The following FHIT variants were observed in gnomAD, a reference collection of about 807,000 sequenced individuals.
FHIT encodes the protein bis(5'-adenosyl)-triphosphatase.
FHIT carries 19 observed loss-of-function variants against 17.9 expected under a neutral mutation model. The ratio of observed to expected loss-of-function variants is 1.06; its 90% CI spans 0.74 to 1.56. FHIT has a LOEUF of 1.56. Among genes scored for constraint, FHIT ranks in the 40% most tolerant of loss-of-function variants. The pLI is 0.00. For missense variants in FHIT, 248 were observed against 189.2 expected, an observed-to-expected ratio of 1.31 and a Z score of -1.82; for synonymous variants, 81 against 69.7, an observed-to-expected ratio of 1.16 and a Z score of -0.81.
intron 3 of FHIT, among the ~76,000 whole-genome samples, chr3:60,834,677 A>C (rs1553743442): frequency 6.6e-6 from 1 of 151,716 alleles, no homozygotes; most frequent in East Asian, 1.9e-4. Context: ...AACACGGCAA[A>C]AGCCAGTCTC....
intron 4 of FHIT, among the ~76,000 whole-genome samples, chr3:60,708,605 A>G (rs1462364516): frequency 6.6e-6 from 1 of 152,212 alleles, no homozygotes; most frequent in Non-Finnish European, 1.5e-5. Flanking sequence ...TGAGTAGAGA[A>G]GTTACTGGCT....
At chr3:61,212,667 C>G (rs142260111) in intron 1 of FHIT, among the ~76,000 whole-genome samples, 177 of 152,280 alleles carry the variant, frequency 1.2e-3, no homozygotes, top group African/African-American at 3.9e-3. Context: ...CAAAGATACT[C>G]CTCGAGAAGG....
chr3:61,004,244 G>T (rs906357085), intron 3 of FHIT, among the ~76,000 whole-genome samples: 2 of 152,038 alleles, frequency 1.3e-5, no homozygotes, highest in African/African-American at 4.8e-5. Context: ...GGCAAAAATG[G>T]CCTGAGTGTC....
chr3:60,534,241 C>T (rs1372514435), intron 5 of FHIT, among the ~76,000 whole-genome samples: 1 of 144,852 alleles, frequency 6.9e-6, no homozygotes, highest in African/African-American at 2.6e-5. Context: ...TCCTGGCTAA[C>T]AAGGTGAAAC....
At chr3:60,144,955 G>A (rs144564224) in intron 5 of FHIT, among the ~76,000 whole-genome samples, 1 of 152,056 alleles carries the variant, frequency 6.6e-6, no homozygotes, top group Non-Finnish European at 1.5e-5. Context: ...AATAAAGGGC[G>A]TGTGATGCAC....
intron 5 of FHIT, among the ~76,000 whole-genome samples, chr3:60,376,326 T>C (rs1356483835): frequency 6.6e-6 from 1 of 152,164 alleles, no homozygotes; most frequent in African/African-American, 2.4e-5. Context: ...TATCAGATAT[T>C]AATAAGTTGG....
intron 5 of FHIT, among the ~76,000 whole-genome samples, chr3:60,031,721 G>C (rs907296197): frequency 6.6e-6 from 1 of 152,116 alleles, no homozygotes; most frequent in African/African-American, 2.4e-5. Context: ...ATTATCAACA[G>C]GTAATTTGGG....
intron 4 of FHIT, among the ~76,000 whole-genome samples, chr3:60,706,893 A>G (rs1209321967): frequency 1.3e-5 from 2 of 152,216 alleles, no homozygotes; most frequent in Non-Finnish European, 2.9e-5. Flanking sequence ...AAGTTATACA[A>G]TTGTGGCACT....
In FHIT at chr3:60,953,855, A is replaced by G. The variant is rs547363565; in HGVS notation, c.-111+88192T>C. On this transcript the variant is annotated intron_variant, in intron 3 of 9. Transcript: ENST00000492590. Reference sequence around the variant, plus strand: ...CTATTGATTCCCTGCTGGTCTTTCAATGTCACGGAAAGATGTCCATTATAG... The same window carrying G: ...CTATTGATTCCCTGCTGGTCTTTCAGTGTCACGGAAAGATGTCCATTATAG... 6.6e-5 allele frequency among the ~76,000 whole-genome samples: 10 copies of G among 152,348 alleles called. No individual in the cohort carries two copies. The South Asian group carries it at 1.2e-3, about 19-fold the overall frequency.
chr3:60,469,436 C>G (rs892505542), intron 5 of FHIT, among the ~76,000 whole-genome samples: 1 of 152,176 alleles, frequency 6.6e-6, no homozygotes, highest in Non-Finnish European at 1.5e-5. Flanking sequence ...CTGCTATTAA[C>G]AGACTCTGAT....
At chr3:59,841,383 G>A (rs1482617276) in intron 8 of FHIT, among the ~76,000 whole-genome samples, 1 of 152,168 alleles carries the variant, frequency 6.6e-6, no homozygotes, top group African/African-American at 2.4e-5. Context: ...TTGAGAATGG[G>A]CCTCAGCTCC....
intron 4 of FHIT, among the ~76,000 whole-genome samples, chr3:60,756,765 AAAAGCTGAAT>A (rs1331614235): frequency 6.6e-6 from 1 of 152,246 alleles, no homozygotes; most frequent in African/African-American, 2.4e-5. Context: ...TGTGGAACAG[AAAAGCTGAAT>A]AACTTGTCAC....
intron 2 of FHIT, among the ~76,000 whole-genome samples, chr3:61,134,621 T>C (rs2036860820): frequency 6.6e-6 from 1 of 152,128 alleles, no homozygotes; most frequent in South Asian, 2.1e-4. Flanking sequence ...TTGTCATGAG[T>C]TGGGTTGCCC....
chr3:61,209,446 A>C (rs993726898), intron 1 of FHIT, among the ~76,000 whole-genome samples: 1 of 152,170 alleles, frequency 6.6e-6, no homozygotes, highest in African/African-American at 2.4e-5. Flanking sequence ...CGTCACTTTC[A>C]GGTACACCAA....
chr3:60,072,075 G>T (rs1306416251), intron 5 of FHIT, among the ~76,000 whole-genome samples: 1 of 152,102 alleles, frequency 6.6e-6, no homozygotes, highest in Non-Finnish European at 1.5e-5. Flanking sequence ...GACTAATACA[G>T]GTAATAAAGA....
At chr3:61,215,557 T>C (rs9868863) in intron 1 of FHIT, among the ~76,000 whole-genome samples, 59,671 of 151,900 alleles carry the variant, frequency 0.39, 12,034 homozygotes, top group East Asian at 0.52. Flanking sequence ...ATCATGAAAA[T>C]GGCCATACTG....
rs1700705203 is a variant in FHIT at position 60,789,477 on chromosome 3, C to T, written c.-18+32442G>A. Among the ~76,000 whole-genome samples the T allele has an allele frequency of 1.3e-5, 2 of 152,122 alleles. 1 individual carries two copies. Among genetic ancestry groups the T allele is most frequent in the South Asian group, 4.1e-4 (2 of 4,824 alleles). ...AGGTTGCAGTGAGCCAAGATTGTGC[C>T]ACTGCACTCCAGCCTGGCGACAGAG... On this transcript the variant is annotated intron_variant, in intron 4 of 9. Transcript: ENST00000492590.
At chr3:60,371,416 G>A (rs1700323468) in intron 5 of FHIT, among the ~76,000 whole-genome samples, 2 of 151,516 alleles carry the variant, frequency 1.3e-5, no homozygotes, top group South Asian at 2.1e-4. Context: ...GCTATTCACA[G>A]GCGACATCAT....
At chr3:61,162,375 T>C (rs900567557) in intron 2 of FHIT, among the ~76,000 whole-genome samples, 2 of 152,150 alleles carry the variant, frequency 1.3e-5, no homozygotes, top group African/African-American at 2.4e-5. Context: ...AAAAAGGTAG[T>C]CATAGGCCAT....
Sources: allele counts gnomAD v4.1 joint callset (sites outside exome capture counted in the v4.1 genomes callset), GRCh38; gene constraint gnomAD v4.1.1; transcripts MANE v1.5; gene names NCBI Gene and HGNC (gene_info 2026-07-23, HGNC 2026-07-21).